CTNNA2: variants seen among roughly 807,000 people sequenced by gnomAD.
The protein encoded by CTNNA2 is catenin alpha 2.
CTNNA2 carries 42 observed loss-of-function variants against 101.0 expected under a neutral mutation model. That is an observed-to-expected ratio of 0.42 (90% CI 0.32 to 0.54). The LOEUF is 0.54. Among genes scored for constraint, CTNNA2 ranks in the 20% least tolerant of loss-of-function variants. CTNNA2 has a pLI of 0.14. For missense variants in CTNNA2, 871 were observed against 1,223.1 expected (o/e 0.71, Z 4.29); for synonymous variants, 450 against 456.4 (o/e 0.99, Z 0.18).
At chr2:79,957,446 C>T (rs1317649538) in intron 7 of CTNNA2, among the ~76,000 whole-genome samples, 1 of 152,174 alleles carries the variant, frequency 6.6e-6, no homozygotes, top group Non-Finnish European at 1.5e-5. Context: ...CTTTACTGGT[C>T]TCTGACTGCT....
At chr2:80,517,630 T>G (rs1312863658) in intron 9 of CTNNA2, among the ~76,000 whole-genome samples, 1 of 152,180 alleles carries the variant, frequency 6.6e-6, no homozygotes, top group Non-Finnish European at 1.5e-5. Context: ...ATGGGTGATG[T>G]CAAGGAAGTG....
intron 4 of CTNNA2, among the ~76,000 whole-genome samples, chr2:79,426,851 A>C (rs1300913146): frequency 6.6e-6 from 1 of 152,124 alleles, no homozygotes; most frequent in Non-Finnish European, 1.5e-5. Context: ...TGTTCCCCAG[A>C]GATATAGCAG....
intron 2 of CTNNA2, among the ~76,000 whole-genome samples, chr2:79,286,885 G>A (rs1319977995): frequency 2.6e-5 from 4 of 152,084 alleles, no homozygotes; most frequent in Non-Finnish European, 5.9e-5. Flanking sequence ...GTCACTTTCA[G>A]GTACACCAAT....
chr2:79,214,229 C>T (rs1210219985), intron 2 of CTNNA2, among the ~76,000 whole-genome samples: 16 of 152,170 alleles, frequency 1.1e-4, no homozygotes, highest in Admixed American at 3.9e-4. Context: ...CAGTATAGCC[C>T]AGGTAATTTG....
intron 7 of CTNNA2, among the ~76,000 whole-genome samples, chr2:80,214,502 G>T (rs1330130602): frequency 6.6e-6 from 1 of 152,114 alleles, no homozygotes; most frequent in East Asian, 1.9e-4. Context: ...GAAATTCTGG[G>T]TTGAAAATTC....
chr2:79,701,142 G>A (rs1037431553), intron 2 of CTNNA2, among the ~76,000 whole-genome samples: 4 of 152,078 alleles, frequency 2.6e-5, no homozygotes, highest in Admixed American at 2.0e-4. Context: ...AGCTTATTGT[G>A]TGTCAACCAC....
intron 7 of CTNNA2, among the ~76,000 whole-genome samples, chr2:80,008,241 A>G (rs564670020): frequency 6.6e-6 from 1 of 152,328 alleles, no homozygotes; most frequent in East Asian, 1.9e-4. Context: ...GAAGCAGACT[A>G]GGCAGTTTAG....
At chr2:80,259,066 C>G (rs765128077) in intron 7 of CTNNA2, among the ~76,000 whole-genome samples, 1 of 152,060 alleles carries the variant, frequency 6.6e-6, no homozygotes, top group Non-Finnish European at 1.5e-5. Flanking sequence ...CCTGTCCCAG[C>G]CTTTATGTTG....
intron 7 of CTNNA2, among the ~76,000 whole-genome samples, chr2:80,142,058 A>G (rs920129520): frequency 2.0e-5 from 3 of 152,044 alleles, no homozygotes; most frequent in Admixed American, 1.3e-4. Flanking sequence ...GTCAGATGTA[A>G]TATTCTGCTG....
intron 3 of CTNNA2, among the ~76,000 whole-genome samples, chr2:79,365,661 A>T (rs1677732007): frequency 6.7e-6 from 1 of 150,120 alleles, no homozygotes; most frequent in Non-Finnish European, 1.5e-5. Flanking sequence ...AAAAAAAGGG[A>T]AGTGGGGGGG....
chr2:79,828,397 A>G (rs1008568660), intron 3 of CTNNA2, among the ~76,000 whole-genome samples: 2 of 152,236 alleles, frequency 1.3e-5, no homozygotes, highest in Admixed American at 1.3e-4. Flanking sequence ...ATACAACTAA[A>G]AATGAGGACC....
intron 7 of CTNNA2, among the ~76,000 whole-genome samples, chr2:80,116,935 G>GTGTGTGTC (rs1252480442): frequency 6.6e-6 from 1 of 151,338 alleles, no homozygotes; most frequent in Non-Finnish European, 1.5e-5. Flanking sequence ...GTGTGTGTGT[G>GTGTGTGTC]TCTATGCAAA....
chr2:79,596,276 G>A lies in CTNNA2; in HGVS notation c.-5-55276G>A, dbSNP rs115652977. Among the ~76,000 whole-genome samples, 484 of 152,132 alleles carry A rather than the reference G, an allele frequency of 3.2e-3. 3 individuals are homozygous for A. The highest frequency in any genetic ancestry group is 0.011 in the African/African-American group (466 of 41,474). ...AAATTTGAACTAAGTATTTTAGAAA[G>A]TTACAGGAGATAGTTTGTCTCATTG... is the stretch of plus-strand genomic sequence containing the variant. On this transcript the variant is annotated intron_variant, in intron 1 of 18. Coordinates refer to ENST00000402739, the MANE Select transcript of CTNNA2 (RefSeq NM_001282597.3).
intron 4 of CTNNA2, among the ~76,000 whole-genome samples, chr2:79,478,237 C>T (rs1016358001): frequency 6.6e-6 from 1 of 152,134 alleles, no homozygotes; most frequent in African/African-American, 2.4e-5. Context: ...TCAACAAACC[C>T]ATTTCTCCTT....
intron 3 of CTNNA2, among the ~76,000 whole-genome samples, chr2:79,347,620 C>A (rs1677290446): frequency 6.6e-6 from 1 of 152,040 alleles, no homozygotes; most frequent in Non-Finnish European, 1.5e-5. Flanking sequence ...ATCCATTATT[C>A]TATCTCCTTT....
chr2:79,825,715 T>C (rs960314720), intron 3 of CTNNA2, among the ~76,000 whole-genome samples: 17 of 152,052 alleles, frequency 1.1e-4, no homozygotes, highest in Admixed American at 4.6e-4. Flanking sequence ...TTAGGAAATA[T>C]CATATAGATG....
chr2:79,605,225 G>A (rs771800576), intron 1 of CTNNA2, among the ~76,000 whole-genome samples: 2 of 152,104 alleles, frequency 1.3e-5, no homozygotes, highest in Non-Finnish European at 2.9e-5. Context: ...TACTGGATGG[G>A]ACTAGTGGTA....
chr2:80,305,223 C>T (rs1325703350), intron 7 of CTNNA2: 8 of 985,160 alleles, frequency 8.1e-6, no homozygotes, highest in African/African-American at 1.7e-5. Flanking sequence ...CTGCAGTCAG[C>T]CAGCCCTTTT....
At chr2:80,026,012 G>A (rs542436333) in intron 7 of CTNNA2, among the ~76,000 whole-genome samples, 19 of 152,308 alleles carry the variant, frequency 1.2e-4, no homozygotes, top group African/African-American at 3.8e-4. Flanking sequence ...TTACATAACA[G>A]GGATGTGTGT....
Sources: allele counts gnomAD v4.1 joint callset (sites outside exome capture counted in the v4.1 genomes callset), GRCh38; gene constraint gnomAD v4.1.1; transcripts MANE v1.5; gene names NCBI Gene and HGNC (gene_info 2026-07-23, HGNC 2026-07-21).